The following FES variants were observed in gnomAD, a reference collection of about 807,000 sequenced individuals.
The protein encoded by FES is tyrosine-protein kinase Fes/Fps.
In FES, 83 loss-of-function variants were observed where a neutral mutation model predicts 109.6. The ratio of observed to expected loss-of-function variants is 0.76; its 90% CI spans 0.63 to 0.91. The LOEUF (loss-of-function observed/expected upper bound fraction) is 0.91. FES is among the 40% of genes least tolerant of loss of function. FES has a pLI of 0.00. For synonymous variants in FES, 458 were observed against 442.1 expected, an observed-to-expected ratio of 1.04 and a Z score of -0.45; for missense variants, 943 against 1,070.9, an observed-to-expected ratio of 0.88 and a Z score of 1.67.
chr15:90,893,857 C>T, intron 17 of FES, 46 bp downstream of exon 17: 1 of 1,603,962 alleles, frequency 6.2e-7, no homozygotes, highest in East Asian at 2.2e-5. Context: ...AGAGGCCAGG[C>T]CTGGGTCCTG....
chr15:90,890,353 C>T (rs761390860), intron 9 of FES, 48 bp from the exon 10 acceptor site: 1 of 1,598,564 alleles, frequency 6.3e-7, no homozygotes, highest in South Asian at 1.1e-5. Flanking sequence ...TTTTCGCCCT[C>T]CCCCTCCCTA....
At chr15:90,891,268 C>A in intron 11 of FES, 77 bp downstream of exon 11, 1 of 1,498,392 alleles carries the variant, frequency 6.7e-7, no homozygotes, top group Non-Finnish European at 9.0e-7. Flanking sequence ...AATGGCCTTT[C>A]AGGGTAGGGG....
rs1477730844 is a variant in FES, at chr15:90,884,986, C to T, written c.-9-51C>T. The T allele has an allele frequency of 6.9e-6, 10 of 1,457,482 alleles. No homozygotes were observed. In the East Asian group the frequency reaches 9.1e-5, roughly 13 times the overall value. 90.3% of individuals were successfully genotyped at this position (1,457,482 alleles called of 1,614,324 possible). A position where few individuals can be genotyped will look rare whatever the true frequency, so the allele number is the denominator to read the frequency against. On this transcript the variant is annotated intron_variant, in intron 1 of 18. Coordinates refer to ENST00000328850, the MANE Select transcript of FES (RefSeq NM_002005.4). Reference sequence around the variant, plus strand: ...CCCCAGTCTCCTCGTCCCATGCCTCCGTCTCCAGCTGCTGCCTTGCCTCCA... The same window carrying T: ...CCCCAGTCTCCTCGTCCCATGCCTCTGTCTCCAGCTGCTGCCTTGCCTCCA...
At position 90,890,422 on chromosome 15, in the gene FES, A is replaced by G. The variant is rs1177889431; in HGVS notation, c.1258A>G (p.Arg420Gly). The change falls in exon 10 of 19, where the codon AGG becomes GGG. Residue 420 changes from arginine to glycine, a missense_variant. By Grantham distance (125) the Arg-to-Gly change is moderately radical (BLOSUM62 -2). Transcript: ENST00000328850. ...SSSEQEREGG[R>G]TPTLEILKSH... ...TCAGGAGCAGGAGCGAGAGGGGGGAAGGACACCCACGCTGGAGATCCTTAA... is the reference window on the plus strand; with the variant it reads ...TCAGGAGCAGGAGCGAGAGGGGGGAGGGACACCCACGCTGGAGATCCTTAA... 5.0e-6 allele frequency: 8 copies of G among 1,612,984 alleles called. No individual in the cohort carries two copies. The highest frequency in any genetic ancestry group is 4.4e-5 in the South Asian group (4 of 91,080).
In FES at chr15:90,893,756, AG is replaced by A; in HGVS notation, c.2153del (p.Gly718AlafsTer7). On this transcript the variant is annotated frameshift_variant, in exon 17 of 19. Coordinates refer to ENST00000328850, the MANE Select transcript of FES (RefSeq NM_002005.4). LOFTEE classifies it high-confidence loss of function. ...EEADGVYAAS[G>X]GLRQVPVKWT... ...AAGCCGATGGGGTCTATGCAGCCTC[AG>A]GGGGCCTCAGACAAGTCCCCGTGAA... 1.2e-6 allele frequency: 2 copies of A among 1,609,196 alleles called. No homozygotes were observed. Among genetic ancestry groups the A allele is most frequent in the Non-Finnish European group, 1.7e-6 (2 of 1,177,594 alleles).
chr15:90,891,929 G>A (rs1567100533), intron 12 of FES, 129 bp from the exon 13 acceptor site: 1 of 1,190,370 alleles, frequency 8.4e-7, no homozygotes, highest in Non-Finnish European at 1.2e-6. Flanking sequence ...AGTCATCTCA[G>A]TGTGCTCCCC....
At chr15:90,886,066 G>C (rs2032588451) in intron 3 of FES, among the ~76,000 whole-genome samples, 1 of 152,208 alleles carries the variant, frequency 6.6e-6, no homozygotes, top group African/African-American at 2.4e-5. Flanking sequence ...CAGTCTAGAG[G>C]CTGTGTGATT....
intron 11 of FES, 148 bp from the exon 12 acceptor site, chr15:90,891,406 T>C: frequency 1.7e-6 from 2 of 1,155,302 alleles, no homozygotes; most frequent in Non-Finnish European, 2.5e-6. Flanking sequence ...CAGGATGTCA[T>C]GTGCCATCAG....
intron 3 of FES, among the ~76,000 whole-genome samples, 200 bp from the exon 4 acceptor site, chr15:90,886,761 A>T (rs2032672363): frequency 6.6e-6 from 1 of 152,204 alleles, no homozygotes; most frequent in Non-Finnish European, 1.5e-5. Flanking sequence ...TGTAGCCTGT[A>T]GTCTACCTCT....
chr15:90,893,697 C>T lies in FES; in HGVS notation c.2089C>T (p.Leu697=), dbSNP rs1400238202. 4 of 1,610,680 alleles carry T rather than the reference C, an allele frequency of 2.5e-6. No individual in the cohort carries two copies. The highest frequency in any genetic ancestry group is 1.7e-5 in the Admixed American group (1 of 59,690). Residue 697 remains leucine, a synonymous_variant, in exon 17 of 19, where the codon CTG becomes TTG. Transcript: ENST00000328850. ...RNCLVTEKNV[L]KISDFGMSRE... ...CTGCCTGGTGACAGAGAAGAATGTC[C>T]TGAAGATCAGTGACTTTGGGATGTC...
Position 90,885,518 on chromosome 15 carries a change from G to T in FES, c.320G>T (p.Arg107Leu). 6.2e-7 allele frequency: 1 copy of T among 1,613,220 alleles called. No homozygotes were observed. Among genetic ancestry groups the T allele is most frequent in the Non-Finnish European group, 8.5e-7 (1 of 1,179,996 alleles). ...GPLSKLSLLI[R>L]ERQQLRKTYS... The stretch of plus-strand genomic sequence containing the variant: ...CTGAGCAAGCTGAGCCTGCTCATCC[G>T]GGAACGGCAGCAGCTTCGCAAGACC... Residue 107 changes from arginine to leucine, a missense_variant, in exon 3 of 19, where the codon CGG becomes CTG. By Grantham distance (102) the Arg-to-Leu change is moderately radical. Coordinates refer to ENST00000328850, the MANE Select transcript of FES (RefSeq NM_002005.4).
intron 11 of FES, 91 bp downstream of exon 11, chr15:90,891,282 G>A: frequency 6.9e-7 from 1 of 1,445,634 alleles, no homozygotes; most frequent in South Asian, 1.3e-5. Flanking sequence ...GTAGGGGGTA[G>A]CTGCCAGGTC....
intron 11 of FES, 58 bp downstream of exon 11, chr15:90,891,249 C>T (rs1298719074): frequency 1.1e-5 from 16 of 1,520,664 alleles, no homozygotes; most frequent in Non-Finnish European, 1.3e-5. Context: ...CCTTCCCTTC[C>T]CCAAGGGAAA....
In FES at chr15:90,889,142, A is replaced by G. The variant is rs532901488; in HGVS notation, c.669-164A>G. 14 of 803,758 alleles carry G rather than the reference A, an allele frequency of 1.7e-5. No individual in the cohort carries two copies. In the East Asian group the frequency reaches 3.1e-4, roughly 18 times the overall value. The allele number at this position is 803,758 out of a possible 1,614,324, so 49.8% of individuals were successfully genotyped here. A position where few individuals can be genotyped will look rare whatever the true frequency, so the allele number is the denominator to read the frequency against. On this transcript the variant is annotated intron_variant, in intron 5 of 18. Transcript: ENST00000328850. This position sits in a 1 kb window ranked among gnomAD's most constrained non-coding sequence, Gnocchi z 6.1. ...CCTCTTATATATATCAGGAAATAGAAGATTAGGGAGAGGTTAAATAATTTG... is the reference window on the plus strand; with the variant it reads ...CCTCTTATATATATCAGGAAATAGAGGATTAGGGAGAGGTTAAATAATTTG...
In FES at chr15:90,889,850, G is replaced by C; in HGVS notation, c.937G>C (p.Val313Leu). The C allele has an allele frequency of 6.2e-7, 1 of 1,613,720 alleles. No individual in the cohort carries two copies. The highest frequency in any genetic ancestry group is 8.5e-7 in the Non-Finnish European group (1 of 1,179,940). ...TTCTCTTGGGTGCAGGCTGACCTCA[G>C]TGACAGATGAGCTGGCTGTGGCCAC... ...VESVQHTLTS[V>L]TDELAVATEM... The change falls in exon 8 of 19, where the codon GTG (valine) becomes CTG (leucine). Residue 313 changes from valine (V) to leucine (L), a missense_variant. Physicochemically the swap from Val to Leu is conservative, Grantham distance 32 (BLOSUM62 1). Coordinates refer to ENST00000328850, the MANE Select transcript of FES (RefSeq NM_002005.4). The surrounding 1 kb of genome is among the most constrained non-coding windows in gnomAD (Gnocchi z 6.1).
chr15:90,892,558 C>T, intron 13 of FES, 149 bp from the exon 14 acceptor site: 1 of 664,786 alleles, frequency 1.5e-6, no homozygotes, highest in Non-Finnish European at 2.6e-6. Context: ...CTCTAGGTTC[C>T]CCAGCGAGGG....
At chr15:90,893,045 G>C (rs1011984020) in intron 14 of FES, 55 bp from the exon 15 acceptor site, 2 of 1,565,594 alleles carry the variant, frequency 1.3e-6, no homozygotes, top group East Asian at 4.6e-5. Context: ...CATCCCTGGG[G>C]GGCCCTGGGG....
Position 90,889,651 on chromosome 15 carries a change from T to C in FES, c.926+15T>C. The stretch of plus-strand genomic sequence containing the variant: ...GTGCAGCACACGTGGGTGGTGGCTT[T>C]GCACCTGGGCTGCGGCGGGGCTCCC... On this transcript the variant is annotated intron_variant, in intron 7 of 18. Coordinates refer to ENST00000328850, the MANE Select transcript of FES (RefSeq NM_002005.4). The surrounding 1 kb of genome is among the most constrained non-coding windows in gnomAD (Gnocchi z 6.1). 6.2e-7 allele frequency: 1 copy of C among 1,612,302 alleles called. No individual in the cohort carries two copies. Among genetic ancestry groups the C allele is most frequent in the East Asian group, 2.2e-5 (1 of 44,864 alleles).
intron 13 of FES, 41 bp from the exon 14 acceptor site, chr15:90,892,666 G>T (rs758203750): frequency 1.9e-6 from 3 of 1,547,276 alleles, no homozygotes; most frequent in East Asian, 2.3e-5. Context: ...AGAGAACTGC[G>T]GGACTGGGAA....
Sources: allele counts gnomAD v4.1 joint callset (sites outside exome capture counted in the v4.1 genomes callset), GRCh38; gene constraint gnomAD v4.1.1; non-coding constraint Gnocchi (gnomAD v3.1); transcripts MANE v1.5; gene names NCBI Gene and HGNC (gene_info 2026-07-23, HGNC 2026-07-21).